STAU2: variants seen among roughly 807,000 people sequenced by gnomAD.
STAU2 encodes the protein staufen double-stranded RNA binding protein 2, also known as double-stranded RNA-binding protein Staufen homolog 2.
A neutral mutation model predicts 65.9 loss-of-function variants in STAU2; 20 were observed. The ratio of observed to expected loss-of-function variants is 0.30; its 90% CI spans 0.21 to 0.44. The LOEUF is 0.44. Among genes scored for constraint, STAU2 ranks in the 20% least tolerant of loss-of-function variants. The pLI is 1.00. For synonymous variants in STAU2, 232 were observed against 233.9 expected, an observed-to-expected ratio of 0.99 and a Z score of 0.07; for missense variants, 558 against 683.9, an observed-to-expected ratio of 0.82 and a Z score of 2.05.
chr8:73,496,681 A>C (rs1270862570), intron 13 of STAU2, among the ~76,000 whole-genome samples: 1 of 151,114 alleles, frequency 6.6e-6, no homozygotes, highest in Non-Finnish European at 1.5e-5. Context: ...AATATTCTTT[A>C]TTTAACCAAC....
chr8:73,652,218 C>T (rs1264265759), intron 6 of STAU2: 1 of 152,074 alleles, frequency 6.6e-6, no homozygotes, highest in Non-Finnish European at 1.5e-5. Flanking sequence ...CAAACTCAGG[C>T]AGATAATTTC....
At chr8:73,744,159 C>T (rs557316060) in intron 1 of STAU2, among the ~76,000 whole-genome samples, 18 of 151,994 alleles carry the variant, frequency 1.2e-4, no homozygotes, top group African/African-American at 4.1e-4. Flanking sequence ...AGGGCTTGAC[C>T]TCTAGGACAA....
At chr8:73,449,019 C>T (rs1818640894) in intron 13 of STAU2, among the ~76,000 whole-genome samples, 1 of 152,242 alleles carries the variant, frequency 6.6e-6, no homozygotes, top group Non-Finnish European at 1.5e-5. Flanking sequence ...CAAGGATGAG[C>T]TGGAGTCGGC....
At chr8:73,747,476 G>A (rs978369486), upstream of STAU2, 2 of 1,533,946 alleles carry the variant, frequency 1.3e-6, no homozygotes, top group Admixed American at 2.0e-5. Context: ...TGCAACGCAC[G>A]GTTTAGCGGA....
chr8:73,722,113 G>A (rs1821727603), intron 3 of STAU2, among the ~76,000 whole-genome samples: 1 of 152,076 alleles, frequency 6.6e-6, no homozygotes, highest in Non-Finnish European at 1.5e-5. Flanking sequence ...ACTTACCACA[G>A]TCTATCTTCC....
chr8:73,662,364 A>C (rs1816892597), intron 6 of STAU2, among the ~76,000 whole-genome samples: 1 of 152,040 alleles, frequency 6.6e-6, no homozygotes, highest in Non-Finnish European at 1.5e-5. Flanking sequence ...CAGAAGTTTA[A>C]ATTTTGATGA....
At chr8:73,746,910 C>T (rs1389186441), upstream of STAU2, 1 of 1,054,814 alleles carries the variant, frequency 9.5e-7, no homozygotes, top group Non-Finnish European at 1.1e-6. Flanking sequence ...CGCCTCCGCC[C>T]GCCTCCCCGG....
At chr8:73,714,707 C>G (rs1280887107) in intron 3 of STAU2, among the ~76,000 whole-genome samples, 1 of 152,150 alleles carries the variant, frequency 6.6e-6, no homozygotes, top group Non-Finnish European at 1.5e-5. Context: ...TAAAACTTCT[C>G]TAAAGCAAAA....
chr8:73,528,583 C>T (rs1185419378), intron 13 of STAU2, among the ~76,000 whole-genome samples: 4 of 151,920 alleles, frequency 2.6e-5, no homozygotes, highest in African/African-American at 4.8e-5. Flanking sequence ...GCATCACTTT[C>T]GTAATAAAAT....
At chr8:73,551,151 G>C in intron 13 of STAU2, 3 of 987,534 alleles carry the variant, frequency 3.0e-6, no homozygotes, top group Non-Finnish European at 3.6e-6. Context: ...AGGCAACTAA[G>C]AAATCAAGAC....
At chr8:73,549,738 C>T (rs565077057) in intron 13 of STAU2, 48 of 985,734 alleles carry the variant, frequency 4.9e-5, no homozygotes, top group Non-Finnish European at 6.0e-6. Context: ...CAATAAGCAA[C>T]AGTATCTGTT....
chr8:73,525,290 TTAGA>T (rs1240576308), intron 13 of STAU2, among the ~76,000 whole-genome samples: 5 of 152,220 alleles, frequency 3.3e-5, no homozygotes, highest in East Asian at 3.8e-4. Context: ...TGACATTCAG[TTAGA>T]TATAGTGAGA....
intron 6 of STAU2, among the ~76,000 whole-genome samples, chr8:73,633,930 A>G (rs920763866): frequency 2.0e-5 from 3 of 152,110 alleles, no homozygotes; most frequent in South Asian, 2.1e-4. Context: ...GTGAGCCGAG[A>G]TCATGCCACG....
chr8:73,554,097 A>T (rs1414232262), intron 12 of STAU2, among the ~76,000 whole-genome samples: 3 of 152,138 alleles, frequency 2.0e-5, no homozygotes, highest in Non-Finnish European at 2.9e-5. Context: ...TGCTAGTCTA[A>T]TCCACTTTCT....
At chr8:73,653,623 CT>C (rs1816077296) in intron 6 of STAU2, 1 of 165,072 alleles carries the variant, frequency 6.1e-6, no homozygotes, top group African/African-American at 2.4e-5. Context: ...CATAGAATTA[CT>C]TGGGGAAGTT....
At chr8:73,482,271 G>A (rs532028151) in intron 13 of STAU2, among the ~76,000 whole-genome samples, 1 of 151,824 alleles carries the variant, frequency 6.6e-6, no homozygotes, top group African/African-American at 2.4e-5. Flanking sequence ...AATTCCCACC[G>A]GGGCCACCAT....
intron 12 of STAU2, among the ~76,000 whole-genome samples, chr8:73,556,585 G>A (rs1273658025): frequency 1.3e-5 from 2 of 152,060 alleles, no homozygotes; most frequent in Non-Finnish European, 1.5e-5. Flanking sequence ...TTGAAACCCC[G>A]TCTCTACTAA....
At chr8:73,474,476 C>T (rs1426437836) in intron 13 of STAU2, among the ~76,000 whole-genome samples, 1 of 152,150 alleles carries the variant, frequency 6.6e-6, no homozygotes, top group Non-Finnish European at 1.5e-5. Flanking sequence ...AAAAGACCTT[C>T]AACACTTTCT....
At chr8:73,573,055 C>T (rs1809235010) in intron 12 of STAU2, among the ~76,000 whole-genome samples, 1 of 152,210 alleles carries the variant, frequency 6.6e-6, no homozygotes, top group South Asian at 2.1e-4. Flanking sequence ...TCAGCAATGT[C>T]TCAGGATACA....
Sources: gnomAD v4.1 joint callset for allele counts (sites outside exome capture counted in the v4.1 genomes callset) on GRCh38, gnomAD v4.1.1 for gene constraint, MANE v1.5 for transcripts, NCBI Gene and HGNC (gene_info 2026-07-23, HGNC 2026-07-21) for gene names.